Variants in SCRT2 observed in about 807,000 individuals in gnomAD.
The protein encoded by SCRT2 is transcriptional repressor scratch 2.
Under a neutral mutation model 3.7 loss-of-function variants are expected in SCRT2, and 2 were observed. The observed-to-expected ratio is 0.54, with a 90% CI of 0.22 to 1.70. The LOEUF (loss-of-function observed/expected upper bound fraction) is 1.70. Among genes scored for constraint, SCRT2 ranks in the 40% most tolerant of loss-of-function variants. The pLI is 0.19. For missense variants in SCRT2, 456 were observed against 468.5 expected (o/e 0.97, Z 0.25); for synonymous variants, 256 against 220.6 (o/e 1.16, Z -1.42).
intron 1 of SCRT2, among the ~76,000 whole-genome samples, chr20:669,078 G>C (rs1984247138): frequency 6.8e-6 from 1 of 147,564 alleles, no homozygotes; most frequent in Non-Finnish European, 1.5e-5. Context: ...TCTTCAATTG[G>C]TAGGGGAAGG....
At chr20:674,434 CACACACAA>C (rs1984453867) in intron 1 of SCRT2, among the ~76,000 whole-genome samples, 1 of 118,752 alleles carries the variant, frequency 8.4e-6, no homozygotes, top group African/African-American at 2.9e-5. Context: ...CACACACACA[CACACACAA>C]CCCAAAGCTG....
Position 662,072 on chromosome 20 carries a change from G to A in SCRT2, c.*1599C>T, listed in dbSNP as rs955484157. On this transcript the variant is annotated 3_prime_UTR_variant, in exon 2 of 2. Coordinates refer to ENST00000246104, the MANE Select transcript of SCRT2 (RefSeq NM_033129.4). ...GGGGCCAGGGCCCGTGCGCGTGGAG[G>A]TGTGTGCTTCGGTCCTCGCCCGGGC... 6.5e-6 allele frequency: 1 copy of A among 152,926 alleles called. No homozygotes were observed. Among genetic ancestry groups the A allele is most frequent in the Non-Finnish European group, 1.5e-5 (1 of 68,254 alleles). 9.5% of individuals were successfully genotyped at this position (152,926 alleles called of 1,614,324 possible).
At chr20:669,357 G>C (rs900086749) in intron 1 of SCRT2, among the ~76,000 whole-genome samples, 19 of 152,194 alleles carry the variant, frequency 1.2e-4, no homozygotes, top group African/African-American at 4.3e-4. Context: ...CCCAGACAAA[G>C]GCCTTGACCC....
rs542643149 is a variant in SCRT2, at chr20:675,343, G to C, written c.133+126C>G. 2 of 820,470 alleles carry C rather than the reference G, an allele frequency of 2.4e-6. No individual in the cohort carries two copies. The highest frequency in any genetic ancestry group is 3.5e-5 in the African/African-American group (2 of 56,362). The allele number at this position is 820,470 out of a possible 1,614,324, so 50.8% of individuals were successfully genotyped here. On this transcript the variant is annotated intron_variant, in intron 1 of 1. Coordinates refer to ENST00000246104, the MANE Select transcript of SCRT2 (RefSeq NM_033129.4). The surrounding 1 kb of genome is among the most constrained non-coding windows in gnomAD (Gnocchi z 6.9). Reference sequence around the variant, plus strand: ...CTTGGAAAGCCCGGGAGGAGCCCACGGCCAGAGAGATCTCCTCCCGGGGGT... The same window carrying C: ...CTTGGAAAGCCCGGGAGGAGCCCACCGCCAGAGAGATCTCCTCCCGGGGGT...
chr20:675,310 G>C lies in SCRT2; in HGVS notation c.133+159C>G, dbSNP rs752096403. Among the ~76,000 whole-genome samples the C allele has an allele frequency of 6.6e-6, 1 of 152,024 alleles. No individual in the cohort carries two copies. Among genetic ancestry groups the C allele is most frequent in the Admixed American group, 6.5e-5 (1 of 15,278 alleles). Reference sequence around the variant, plus strand: ...GTACGACCTAGCCCCTGCCCCGCCCGCACGGCCCTTGGAAAGCCCGGGAGG... The same window carrying C: ...GTACGACCTAGCCCCTGCCCCGCCCCCACGGCCCTTGGAAAGCCCGGGAGG... On this transcript the variant is annotated intron_variant, in intron 1 of 1. Transcript: ENST00000246104. The surrounding 1 kb of genome is among the most constrained non-coding windows in gnomAD (Gnocchi z 6.9).
At position 664,174 on chromosome 20, in the gene SCRT2, G is replaced by T; in HGVS notation, c.421C>A (p.Arg141Ser). Reference sequence around the variant, plus strand: ...GCCTGCGCCCCCGCGCGCCCCGCGCGCCCCCCGGCGCCCCCCGCGTCTCCC... The same window carrying T: ...GCCTGCGCCCCCGCGCGCCCCGCGCTCCCCCCGGCGCCCCCCGCGTCTCCC... ...GSGDAGGAGG[R>S]AGRAGAQAGG... The change falls in exon 2 of 2, where the codon CGC becomes AGC. Residue 141 changes from arginine to serine, a missense_variant. Physicochemically the swap from Arg to Ser is moderately radical, Grantham distance 110. Coordinates refer to ENST00000246104, the MANE Select transcript of SCRT2 (RefSeq NM_033129.4). This position sits in a 1 kb window ranked among gnomAD's most constrained non-coding sequence, Gnocchi z 7.9. The T allele has an allele frequency of 9.8e-7, 1 of 1,022,764 alleles. No individual in the cohort carries two copies. Among genetic ancestry groups the T allele is most frequent in the Non-Finnish European group, 1.2e-6 (1 of 855,786 alleles). 63.4% of individuals were successfully genotyped at this position (1,022,764 alleles called of 1,614,324 possible). A position where few individuals can be genotyped will look rare whatever the true frequency, so the allele number is the denominator to read the frequency against.
In SCRT2 at chr20:663,538, G is replaced by A. The variant is rs1984030007; in HGVS notation, c.*133C>T. 3 of 839,352 alleles carry A rather than the reference G, an allele frequency of 3.6e-6. No individual in the cohort carries two copies. The highest frequency in any genetic ancestry group is 3.6e-5 in the East Asian group (1 of 27,708). 52.0% of individuals were successfully genotyped at this position (839,352 alleles called of 1,614,324 possible). A position where few individuals can be genotyped will look rare whatever the true frequency, so the allele number is the denominator to read the frequency against. On this transcript the variant is annotated 3_prime_UTR_variant, in exon 2 of 2. Coordinates refer to ENST00000246104, the MANE Select transcript of SCRT2 (RefSeq NM_033129.4). This position sits in a 1 kb window ranked among gnomAD's most constrained non-coding sequence, Gnocchi z 6.9. ...GGGTTGGGGAGAAAAGTTCCGGGCC[G>A]GGCCGGGGGTCCCCACGAGAGGGTC...
rs1984495855 is a variant in SCRT2 at position 675,392 on chromosome 20, C to T, written c.133+77G>A. 3.4e-6 allele frequency: 4 copies of T among 1,192,882 alleles called. No individual in the cohort carries two copies. Among genetic ancestry groups the T allele is most frequent in the Non-Finnish European group, 4.3e-6 (4 of 937,518 alleles). The allele number at this position is 1,192,882 out of a possible 1,614,324, so 73.9% of individuals were successfully genotyped here. On this transcript the variant is annotated intron_variant, in intron 1 of 1. Coordinates refer to ENST00000246104, the MANE Select transcript of SCRT2 (RefSeq NM_033129.4). This position sits in a 1 kb window ranked among gnomAD's most constrained non-coding sequence, Gnocchi z 6.9. ...GTTTCCTGTCGCACGCGCCCCTCCT[C>T]GTGGCCCAAGCTGGGGAGGGCCCCA...
chr20:669,004 C>T (rs1053030615), intron 1 of SCRT2, among the ~76,000 whole-genome samples: 4 of 152,136 alleles, frequency 2.6e-5, no homozygotes, highest in Admixed American at 6.5e-5. Flanking sequence ...AGGTTTGAAA[C>T]CCTCCAAGGC....
chr20:663,533 G>A lies in SCRT2; in HGVS notation c.*138C>T. 1 of 780,354 alleles carries A rather than the reference G, an allele frequency of 1.3e-6. No homozygotes were observed. 48.3% of individuals were successfully genotyped at this position (780,354 alleles called of 1,614,324 possible). On this transcript the variant is annotated 3_prime_UTR_variant, in exon 2 of 2. Coordinates refer to ENST00000246104, the MANE Select transcript of SCRT2 (RefSeq NM_033129.4). This position sits in a 1 kb window ranked among gnomAD's most constrained non-coding sequence, Gnocchi z 6.9. The stretch of plus-strand genomic sequence containing the variant: ...TTTGGGGGTTGGGGAGAAAAGTTCC[G>A]GGCCGGGCCGGGGGTCCCCACGAGA...
intron 1 of SCRT2, among the ~76,000 whole-genome samples, chr20:673,906 C>G (rs1400097116): frequency 6.6e-6 from 1 of 152,188 alleles, no homozygotes; most frequent in Non-Finnish European, 1.5e-5. Context: ...TCAGTTTCTA[C>G]CAGCTTTGAG....
chr20:669,716 C>A (rs1434224206), intron 1 of SCRT2, among the ~76,000 whole-genome samples: 3 of 152,244 alleles, frequency 2.0e-5, no homozygotes, highest in Non-Finnish European at 4.4e-5. Context: ...AGCAGAAAGC[C>A]AGGTCTGTCA....
rs1984505336 is a variant in SCRT2, at chr20:675,521, GGGGTGGTAGGTGGGGGCC to G, written c.63_80del (p.Ala22_Pro27del). 4 of 1,394,342 alleles carry G rather than the reference GGGGTGGTAGGTGGGGGCC, an allele frequency of 2.9e-6. No homozygotes were observed. Among genetic ancestry groups the G allele is most frequent in the Non-Finnish European group, 3.7e-6 (4 of 1,069,214 alleles). The allele number at this position is 1,394,342 out of a possible 1,614,324, so 86.4% of individuals were successfully genotyped here. A position where few individuals can be genotyped will look rare whatever the true frequency, so the allele number is the denominator to read the frequency against. ...CAGGCAGCACGTAGGCTGTCTCCAA[GGGGTGGTAGGTGGGGGCC>G]GGCACCCCGCTGCACTGGAAGCCGT... On this transcript the variant is annotated inframe_deletion, in exon 1 of 2. Coordinates refer to ENST00000246104, the MANE Select transcript of SCRT2 (RefSeq NM_033129.4). This position sits in a 1 kb window ranked among gnomAD's most constrained non-coding sequence, Gnocchi z 6.9.
intron 1 of SCRT2, among the ~76,000 whole-genome samples, chr20:672,623 G>A (rs958638899): frequency 6.9e-5 from 9 of 129,996 alleles, no homozygotes; most frequent in Admixed American, 3.9e-4. Context: ...TTTCCCTCCC[G>A]CCAGCCTCAT....
rs759385819 is a variant in SCRT2 at position 674,688 on chromosome 20, A to AGTGTGT, written c.133+775_133+780dup. 4.4e-3 allele frequency among the ~76,000 whole-genome samples: 574 copies of AGTGTGT among 129,390 alleles called. 3 individuals are homozygous for AGTGTGT. Among genetic ancestry groups the AGTGTGT allele is most frequent in the East Asian group, 0.026 (101 of 3,904 alleles). The allele number at this position is 129,390 out of a possible 152,430, so 84.9% of individuals were successfully genotyped here. On this transcript the variant is annotated intron_variant, in intron 1 of 1. Transcript: ENST00000246104. ...AGGAACTTGTTCTGAGAAGAGATGG[A>AGTGTGT]GTGTGTGTGTGTGTGTGTGTGTGTG... is the stretch of plus-strand genomic sequence containing the variant.
chr20:664,572 C>A lies in SCRT2; in HGVS notation c.134-111G>T. The stretch of plus-strand genomic sequence containing the variant: ...CAGCTTGGCGCCCCTGTGGCAGCTC[C>A]GACAGTGGTGGTCTCCGACCTGCAC... On this transcript the variant is annotated intron_variant, in intron 1 of 1. Coordinates refer to ENST00000246104, the MANE Select transcript of SCRT2 (RefSeq NM_033129.4). The surrounding 1 kb of genome is among the most constrained non-coding windows in gnomAD (Gnocchi z 7.9). 1.3e-6 allele frequency: 1 copy of A among 744,144 alleles called. No homozygotes were observed. The highest frequency in any genetic ancestry group is 6.4e-5 in the South Asian group (1 of 15,570). The allele number at this position is 744,144 out of a possible 1,614,324, so 46.1% of individuals were successfully genotyped here. A position where few individuals can be genotyped will look rare whatever the true frequency, so the allele number is the denominator to read the frequency against.
rs1179205362 is a variant in SCRT2 at position 664,606 on chromosome 20, T to G, written c.134-145A>C. 2 of 517,430 alleles carry G rather than the reference T, an allele frequency of 3.9e-6. No homozygotes were observed. Among genetic ancestry groups the G allele is most frequent in the Non-Finnish European group, 6.0e-6 (2 of 334,788 alleles). The allele number at this position is 517,430 out of a possible 1,614,324, so 32.1% of individuals were successfully genotyped here. A position where few individuals can be genotyped will look rare whatever the true frequency, so the allele number is the denominator to read the frequency against. ...TGGTCTCCGACCTGCACCTCAGCTCTTCCTGTCAGGCAGCCTGGGTTCAAT... is the reference window on the plus strand; with the variant it reads ...TGGTCTCCGACCTGCACCTCAGCTCGTCCTGTCAGGCAGCCTGGGTTCAAT... On this transcript the variant is annotated intron_variant, in intron 1 of 1. Transcript: ENST00000246104. This position sits in a 1 kb window ranked among gnomAD's most constrained non-coding sequence, Gnocchi z 7.9.
At position 663,514 on chromosome 20, in the gene SCRT2, G is replaced by T; in HGVS notation, c.*157C>A. On this transcript the variant is annotated 3_prime_UTR_variant, in exon 2 of 2. Coordinates refer to ENST00000246104, the MANE Select transcript of SCRT2 (RefSeq NM_033129.4). This position sits in a 1 kb window ranked among gnomAD's most constrained non-coding sequence, Gnocchi z 6.9. ...TGTGGAAGTGAGTCGTGGGTTTGGGGGTTGGGGAGAAAAGTTCCGGGCCGG... is the reference window on the plus strand; with the variant it reads ...TGTGGAAGTGAGTCGTGGGTTTGGGTGTTGGGGAGAAAAGTTCCGGGCCGG... 1.7e-6 allele frequency: 1 copy of T among 593,720 alleles called. No individual in the cohort carries two copies. Among genetic ancestry groups the T allele is most frequent in the South Asian group, 5.4e-5 (1 of 18,648 alleles). 36.8% of individuals were successfully genotyped at this position (593,720 alleles called of 1,614,324 possible).
intron 1 of SCRT2, among the ~76,000 whole-genome samples, chr20:672,831 C>T (rs989076922): frequency 2.0e-5 from 3 of 150,598 alleles, no homozygotes; most frequent in East Asian, 2.0e-4. Flanking sequence ...CACTTACACA[C>T]GCTGAGAGAG....
Sources: allele counts gnomAD v4.1 joint callset (sites outside exome capture counted in the v4.1 genomes callset), GRCh38; gene constraint gnomAD v4.1.1; non-coding constraint Gnocchi (gnomAD v3.1); transcripts MANE v1.5; gene names NCBI Gene and HGNC (gene_info 2026-07-23, HGNC 2026-07-21).